The following ST6GALNAC3 variants were observed in gnomAD, a reference collection of about 807,000 sequenced individuals.
ST6GALNAC3 encodes ST6 N-acetylgalactosaminide alpha-2,6-sialyltransferase 3, also known as alpha-N-acetylgalactosaminide alpha-2,6-sialyltransferase 3.
ST6GALNAC3 carries 25 observed loss-of-function variants against 32.7 expected under a neutral mutation model. The ratio of observed to expected loss-of-function variants is 0.76; its 90% CI spans 0.56 to 1.07. The LOEUF (loss-of-function observed/expected upper bound fraction) is 1.07. ST6GALNAC3 is among the 50% of genes least tolerant of loss of function. ST6GALNAC3 has a pLI of 0.00. For synonymous variants in ST6GALNAC3, 129 were observed against 133.1 expected, an observed-to-expected ratio of 0.97 and a Z score of 0.21; for missense variants, 355 against 382.4, an observed-to-expected ratio of 0.93 and a Z score of 0.60.
Position 76,536,234 on chromosome 1 carries a change from TCA to T in ST6GALNAC3, c.624-91215_624-91214del, listed in dbSNP as rs376244863. ...GATCACAATTCAGTTGTTTTAGAGCTCACAAACACTGGAGTAAATTATAATAC... is the reference window on the plus strand; with the variant it reads ...GATCACAATTCAGTTGTTTTAGAGCTCAAACACTGGAGTAAATTATAATAC... On this transcript the variant is annotated intron_variant, in intron 3 of 4. Coordinates refer to ENST00000328299, the MANE Select transcript of ST6GALNAC3 (RefSeq NM_152996.4). Among the ~76,000 whole-genome samples the T allele has an allele frequency of 4.4e-4, 67 of 152,200 alleles. No homozygotes were observed. In the East Asian group the frequency reaches 0.013, roughly 29 times the overall value.
intron 3 of ST6GALNAC3, among the ~76,000 whole-genome samples, chr1:76,449,082 A>G (rs1310225435): frequency 6.6e-6 from 1 of 152,182 alleles, no homozygotes; most frequent in East Asian, 1.9e-4. Context: ...CAGCCACCCA[A>G]AATGCTGGGA....
At chr1:76,556,093 A>T (rs1424809884) in intron 3 of ST6GALNAC3, among the ~76,000 whole-genome samples, 1 of 152,068 alleles carries the variant, frequency 6.6e-6, no homozygotes, top group East Asian at 1.9e-4. Flanking sequence ...AGATTTGCCT[A>T]TTCCGGATAC....
intron 1 of ST6GALNAC3, among the ~76,000 whole-genome samples, chr1:76,138,146 A>G (rs867620908): frequency 1.2e-4 from 19 of 152,230 alleles, no homozygotes; most frequent in Admixed American, 2.0e-4. Flanking sequence ...AGAAGACTGC[A>G]TTCTGAAGTC....
chr1:76,386,458 C>T (rs1206712610), intron 2 of ST6GALNAC3, among the ~76,000 whole-genome samples: 3 of 110,518 alleles, frequency 2.7e-5, no homozygotes, highest in Non-Finnish European at 5.6e-5. Flanking sequence ...TTTTATTTCT[C>T]AGCCAAGAGG....
intron 2 of ST6GALNAC3, among the ~76,000 whole-genome samples, chr1:76,359,931 T>C (rs905426212): frequency 6.6e-6 from 1 of 152,196 alleles, no homozygotes; most frequent in Non-Finnish European, 1.5e-5. Flanking sequence ...CATACATCTT[T>C]AGCTAAGACT....
chr1:76,079,503 ACAAGATC>A (rs1427361955), intron 1 of ST6GALNAC3, among the ~76,000 whole-genome samples: 1 of 152,192 alleles, frequency 6.6e-6, no homozygotes, highest in Non-Finnish European at 1.5e-5. Flanking sequence ...ACATGTAGAC[ACAAGATC>A]CTTGAGAATC....
intron 1 of ST6GALNAC3, among the ~76,000 whole-genome samples, chr1:76,211,943 A>AAAAAT (rs905090392): frequency 6.6e-6 from 1 of 152,184 alleles, no homozygotes; most frequent in Non-Finnish European, 1.5e-5. Context: ...AATAAAGAAT[A>AAAAAT]AAAATAAAAT....
chr1:76,489,306 A>G (rs146529145), intron 3 of ST6GALNAC3, among the ~76,000 whole-genome samples: 29 of 152,046 alleles, frequency 1.9e-4, no homozygotes, highest in Admixed American at 1.6e-3. Flanking sequence ...GTGTAAAACT[A>G]TTATGTTCCT....
At position 76,498,741 on chromosome 1, in the gene ST6GALNAC3, G is replaced by A. The variant is rs574813889; in HGVS notation, c.623+86324G>A. Among the ~76,000 whole-genome samples, 121 of 150,214 alleles carry A rather than the reference G, an allele frequency of 8.1e-4. 1 individual carries two copies. The East Asian group carries it at 0.018, about 22-fold the overall frequency. Reference sequence around the variant, plus strand: ...GCAACAAAGCAGAAAAAAAAAAAACGGAGAAGAAATTTCCTCTTTGTAAAG... The same window carrying A: ...GCAACAAAGCAGAAAAAAAAAAAACAGAGAAGAAATTTCCTCTTTGTAAAG... On this transcript the variant is annotated intron_variant, in intron 3 of 4. Transcript: ENST00000328299.
At chr1:76,476,395 T>A (rs114040763) in intron 3 of ST6GALNAC3, among the ~76,000 whole-genome samples, 15 of 152,314 alleles carry the variant, frequency 9.8e-5, no homozygotes, top group African/African-American at 2.9e-4. Flanking sequence ...GACTGTAGTT[T>A]GCTGACCCCT....
intron 3 of ST6GALNAC3, among the ~76,000 whole-genome samples, chr1:76,472,224 C>T (rs1355351565): frequency 6.6e-6 from 1 of 152,112 alleles, no homozygotes; most frequent in African/African-American, 2.4e-5. Flanking sequence ...TGATCTCATC[C>T]ATGCTGGACA....
intron 3 of ST6GALNAC3, among the ~76,000 whole-genome samples, chr1:76,562,955 A>G (rs370631232): frequency 1.3e-3 from 204 of 152,308 alleles, no homozygotes; most frequent in African/African-American, 4.7e-3. Context: ...GAAGGAAGGC[A>G]TAGGAACCCC....
At chr1:76,108,415 C>G (rs1013917312) in intron 1 of ST6GALNAC3, among the ~76,000 whole-genome samples, 10 of 152,144 alleles carry the variant, frequency 6.6e-5, no homozygotes, top group Admixed American at 6.6e-4. Flanking sequence ...GGACTGCCAG[C>G]CAGGACCCCT....
chr1:76,189,813 G>A (rs1653791730), intron 1 of ST6GALNAC3, among the ~76,000 whole-genome samples: 1 of 152,172 alleles, frequency 6.6e-6, no homozygotes, highest in African/African-American at 2.4e-5. Context: ...TGCTGGTGAA[G>A]GGTCTTATAG....
intron 3 of ST6GALNAC3, chr1:76,576,750 G>A: frequency 5.2e-6 from 5 of 960,382 alleles, no homozygotes; most frequent in Non-Finnish European, 7.4e-6. Flanking sequence ...TTCACAGTAG[G>A]TATAAGGAAT....
At chr1:76,109,775 A>G (rs2100799073) in intron 1 of ST6GALNAC3, among the ~76,000 whole-genome samples, 1 of 152,304 alleles carries the variant, frequency 6.6e-6, no homozygotes, top group South Asian at 2.1e-4. Context: ...CTGAGATGGG[A>G]AATTTATCCT....
Position 76,138,177 on chromosome 1 carries a change from G to A in ST6GALNAC3, c.18+63293G>A, listed in dbSNP as rs114708843. 8.9e-3 allele frequency among the ~76,000 whole-genome samples: 1,348 copies of A among 152,190 alleles called. 20 individuals carry two copies. Among genetic ancestry groups the A allele is most frequent in the African/African-American group, 0.03 (1,231 of 41,504 alleles). Reference sequence around the variant, plus strand: ...AAGTCTCTGAATGTCAAAAAGTGCTGGTTGAAAATATTTCATTTTTTTGAT... The same window carrying A: ...AAGTCTCTGAATGTCAAAAAGTGCTAGTTGAAAATATTTCATTTTTTTGAT... On this transcript the variant is annotated intron_variant, in intron 1 of 4. Coordinates refer to ENST00000328299, the MANE Select transcript of ST6GALNAC3 (RefSeq NM_152996.4).
intron 1 of ST6GALNAC3, among the ~76,000 whole-genome samples, chr1:76,189,932 A>G (rs527732893): frequency 6.6e-6 from 1 of 152,294 alleles, no homozygotes; most frequent in Admixed American, 6.5e-5. Context: ...TTGGGGGATC[A>G]ATTTCTAGTT....
chr1:76,579,805 G>T (rs911512371), intron 3 of ST6GALNAC3, among the ~76,000 whole-genome samples: 4 of 151,874 alleles, frequency 2.6e-5, no homozygotes, highest in African/African-American at 9.7e-5. Context: ...AGATTTTTGT[G>T]GGGTTTTCTT....
Sources: allele counts gnomAD v4.1 joint callset (sites outside exome capture counted in the v4.1 genomes callset), GRCh38; gene constraint gnomAD v4.1.1; transcripts MANE v1.5; gene names NCBI Gene and HGNC (gene_info 2026-07-23, HGNC 2026-07-21).